The following MYH11 variants were observed in gnomAD, a reference collection of about 807,000 sequenced individuals.
MYH11 encodes the protein myosin-11.
A neutral mutation model predicts 246.6 loss-of-function variants in MYH11; 80 were observed. That is an observed-to-expected ratio of 0.32 (90% CI 0.27 to 0.39). The LOEUF (loss-of-function observed/expected upper bound fraction) is 0.39, where lower values mean the gene tolerates loss of function less well. Ranked by LOEUF, MYH11 falls within the 10% of genes least tolerant of loss-of-function variation. The probability of loss-of-function intolerance (pLI) is 1.00; values close to 1 mark genes in which losing one functional copy is unlikely to be tolerated. For synonymous variants in MYH11, 1,071 were observed against 1,015.5 expected (o/e 1.05, Z -1.04); for missense variants, 2,158 against 2,546.8 (o/e 0.85, Z 3.29).
At chr16:15,825,114 C>A (rs1356404772) in intron 2 of MYH11, among the ~76,000 whole-genome samples, 1 of 152,156 alleles carries the variant, frequency 6.6e-6, no homozygotes, top group African/African-American at 2.4e-5. Flanking sequence ...GTCACGTACT[C>A]TATCATCTCA....
intron 31 of MYH11, 148 bp downstream of exon 31, chr16:15,724,013 C>G: frequency 7.1e-7 from 1 of 1,399,636 alleles, no homozygotes; most frequent in Non-Finnish European, 9.8e-7. Flanking sequence ...CCATGGTCGC[C>G]CAAGACAAGA....
rs182157306 is a variant in MYH11 at position 15,819,883 on chromosome 16, C to T, written c.502+3372G>A. ...AAGTATTCTTCAATGACTACAAGAGCGATCAAACTCCACCGAAACCTCCTT... is the reference window on the plus strand; with the variant it reads ...AAGTATTCTTCAATGACTACAAGAGTGATCAAACTCCACCGAAACCTCCTT... On this transcript the variant is annotated intron_variant, in intron 3 of 40. Coordinates refer to ENST00000300036, the MANE Select transcript of MYH11 (RefSeq NM_002474.3). 2.8e-3 allele frequency among the ~76,000 whole-genome samples: 433 copies of T among 152,234 alleles called. 1 individual carries two copies. Among genetic ancestry groups the T allele is most frequent in the Non-Finnish European group, 5.3e-3 (359 of 68,018 alleles).
intron 2 of MYH11, among the ~76,000 whole-genome samples, chr16:15,828,337 G>C (rs1206584742): frequency 6.6e-6 from 1 of 152,112 alleles, no homozygotes; most frequent in Non-Finnish European, 1.5e-5. Context: ...TTTCACGAGA[G>C]GGAAGTCTTG....
intron 9 of MYH11, among the ~76,000 whole-genome samples, chr16:15,765,884 A>G (rs184098686): frequency 6.6e-6 from 1 of 152,224 alleles, no homozygotes; most frequent in Admixed American, 6.5e-5. Flanking sequence ...TAAAAGTGTC[A>G]ATTTAAACTA....
At chr16:15,832,971 T>A (rs1267020762) in intron 2 of MYH11, among the ~76,000 whole-genome samples, 1 of 66,726 alleles carries the variant, frequency 1.5e-5, no homozygotes, top group Non-Finnish European at 3.2e-5. Flanking sequence ...TTTTTTTTTT[T>A]TTTTTTTTTG....
At chr16:15,770,965 A>G (rs1011371881) in intron 9 of MYH11, among the ~76,000 whole-genome samples, 2 of 151,964 alleles carry the variant, frequency 1.3e-5, no homozygotes, top group Non-Finnish European at 2.9e-5. Context: ...TTGAACACCT[A>G]GATCTCACTG....
chr16:15,772,980 C>G (rs1183048293), intron 8 of MYH11, among the ~76,000 whole-genome samples: 3 of 152,126 alleles, frequency 2.0e-5, no homozygotes, highest in Non-Finnish European at 4.4e-5. Flanking sequence ...ATTATGGTGA[C>G]TAGTATAATT....
chr16:15,717,359 G>A lies in MYH11; in HGVS notation c.5296-11C>T, dbSNP rs780765461. The A allele has an allele frequency of 1.0e-5, 16 of 1,604,152 alleles. No individual in the cohort carries two copies. In the East Asian group the frequency reaches 3.3e-4, roughly 34 times the overall value. ...GCTGAGCTGCTCGGCCTGGGGAGGA[G>A]AGTGAAGGCCATGAGGCGGACTCAG... On this transcript the variant is annotated splice_polypyrimidine_tract_variant and intron_variant, in intron 37 of 40. Transcript: ENST00000300036.
intron 2 of MYH11, among the ~76,000 whole-genome samples, chr16:15,833,845 C>A (rs377721051): frequency 2.0e-5 from 3 of 152,160 alleles, no homozygotes; most frequent in South Asian, 2.1e-4. Flanking sequence ...TGTGCTCCCC[C>A]ACCCCAACCC....
chr16:15,709,992 T>C (rs1287750103), intron 40 of MYH11, among the ~76,000 whole-genome samples: 2 of 152,158 alleles, frequency 1.3e-5, no homozygotes, highest in Non-Finnish European at 2.9e-5. Context: ...TACAGTTCCT[T>C]CTTGGCTGAG....
chr16:15,720,136 C>A lies in MYH11; in HGVS notation c.4953+15G>T. 1 of 1,614,134 alleles carries A rather than the reference C, an allele frequency of 6.2e-7. No individual in the cohort carries two copies. Among genetic ancestry groups the A allele is most frequent in the South Asian group, 1.1e-5 (1 of 91,086 alleles). On this transcript the variant is annotated intron_variant, in intron 34 of 40. Transcript: ENST00000300036. The stretch of plus-strand genomic sequence containing the variant: ...CCTCCCTCCACCCATGCCCCAAGCT[C>A]CTAGTGTCACCCACCTGCAGTTTGC...
At chr16:15,831,412 A>G (rs1007742541) in intron 2 of MYH11, among the ~76,000 whole-genome samples, 1 of 151,854 alleles carries the variant, frequency 6.6e-6, no homozygotes, top group Non-Finnish European at 1.5e-5. Flanking sequence ...GGTTAAGTGG[A>G]AAAAAAATCA....
intron 10 of MYH11, among the ~76,000 whole-genome samples, 200 bp from the exon 11 acceptor site, chr16:15,760,858 G>A (rs2041852456): frequency 6.6e-6 from 1 of 152,190 alleles, no homozygotes; most frequent in South Asian, 2.1e-4. Context: ...TTGCTGAGAG[G>A]CAATGATTGG....
intron 40 of MYH11, among the ~76,000 whole-genome samples, chr16:15,705,038 G>C (rs1037074457): frequency 6.6e-6 from 1 of 152,170 alleles, no homozygotes; most frequent in African/African-American, 2.4e-5. Flanking sequence ...GGAGTGCAGT[G>C]GCATGATCTT....
At chr16:15,778,347 T>G (rs559912799) in intron 7 of MYH11, among the ~76,000 whole-genome samples, 13 of 152,178 alleles carry the variant, frequency 8.5e-5, no homozygotes, top group Non-Finnish European at 1.9e-4. Flanking sequence ...TGAATAAGGA[T>G]GAAGTGAAGA....
At chr16:15,772,758 C>T (rs928581519) in intron 8 of MYH11, among the ~76,000 whole-genome samples, 6 of 152,158 alleles carry the variant, frequency 3.9e-5, no homozygotes, top group Admixed American at 2.6e-4. Context: ...AAGCTTTATC[C>T]GCTATTTGCA....
intron 1 of MYH11, among the ~76,000 whole-genome samples, chr16:15,850,724 A>G (rs2044308850): frequency 6.6e-6 from 1 of 152,040 alleles, no homozygotes. Context: ...GTGAAACCCC[A>G]TCTCTACAGA....
intron 1 of MYH11, among the ~76,000 whole-genome samples, chr16:15,843,872 G>A (rs536610102): frequency 6.3e-4 from 96 of 152,110 alleles, no homozygotes; most frequent in African/African-American, 2.1e-3. Context: ...ACCAGCTTCC[G>A]GGTGATGATG....
chr16:15,727,661 G>A (rs1411909451), intron 27 of MYH11, among the ~76,000 whole-genome samples: 2 of 152,136 alleles, frequency 1.3e-5, no homozygotes, highest in Non-Finnish European at 2.9e-5. Context: ...TGGATTCCCA[G>A]CTTCTTTTTC....
Sources: allele counts gnomAD v4.1 joint callset (sites outside exome capture counted in the v4.1 genomes callset), GRCh38; gene constraint gnomAD v4.1.1; transcripts MANE v1.5; gene names NCBI Gene and HGNC (gene_info 2026-07-23, HGNC 2026-07-21).